Variants in UTRN observed in about 807,000 individuals in gnomAD.
UTRN encodes dystrophin-related protein 1.
UTRN carries 283 observed loss-of-function variants against 463.9 expected under a neutral mutation model. The ratio of observed to expected loss-of-function variants is 0.61; its 90% CI spans 0.55 to 0.67. The LOEUF (loss-of-function observed/expected upper bound fraction) is 0.67. Ranked by LOEUF, UTRN falls within the 30% of genes least tolerant of loss-of-function variation. The pLI, the probability that UTRN is intolerant of heterozygous loss-of-function variation, is 0.00. For missense variants in UTRN, 3,922 were observed against 4,084.3 expected (o/e 0.96, Z 1.08); for synonymous variants, 1,442 against 1,431.5 (o/e 1.01, Z -0.17).
chr6:144,796,822 G>A (rs536766472), intron 63 of UTRN, among the ~76,000 whole-genome samples: 1 of 152,084 alleles, frequency 6.6e-6, no homozygotes, highest in Non-Finnish European at 1.5e-5. Flanking sequence ...TTTTATAATG[G>A]CCCTTTTTCT....
intron 60 of UTRN, among the ~76,000 whole-genome samples, chr6:144,779,729 G>A (rs914865732): frequency 1.3e-5 from 2 of 152,284 alleles, no homozygotes; most frequent in South Asian, 2.1e-4. Context: ...TCAAACTGGC[G>A]CTGTTCAAGC....
At chr6:144,758,106 A>G in intron 58 of UTRN, 117 bp downstream of exon 58, 1 of 768,166 alleles carries the variant, frequency 1.3e-6, no homozygotes, top group Non-Finnish European at 2.0e-6. Flanking sequence ...TATCTGAAAG[A>G]AACTGTGATA....
chr6:144,438,309 A>G (rs146352097), intron 11 of UTRN, among the ~76,000 whole-genome samples: 2 of 152,214 alleles, frequency 1.3e-5, no homozygotes, highest in African/African-American at 4.8e-5. Context: ...CTTATTTGCA[A>G]TGTTAAGATT....
At chr6:144,786,535 C>T (rs1452184423) in intron 61 of UTRN, among the ~76,000 whole-genome samples, 3 of 152,140 alleles carry the variant, frequency 2.0e-5, no homozygotes. Context: ...CCACCTGCCT[C>T]AGCCTCCCAA....
intron 54 of UTRN, among the ~76,000 whole-genome samples, chr6:144,731,870 C>CT (rs11342951): frequency 4.0e-5 from 6 of 150,958 alleles, no homozygotes; most frequent in East Asian, 2.0e-4. Flanking sequence ...TTTTCTTTTT[C>CT]TTTTTTTTTG....
intron 52 of UTRN, among the ~76,000 whole-genome samples, chr6:144,699,705 G>A (rs987971153): frequency 5.3e-5 from 8 of 149,808 alleles, no homozygotes; most frequent in African/African-American, 1.7e-4. Context: ...ATTCTATCAC[G>A]GACATCCTTC....
At chr6:144,661,611 A>C (rs2128672411) in intron 51 of UTRN, among the ~76,000 whole-genome samples, 1 of 152,338 alleles carries the variant, frequency 6.6e-6, no homozygotes, top group South Asian at 2.1e-4. Flanking sequence ...AGCAGGTGAC[A>C]AACTTTATGA....
At chr6:144,639,867 G>C (rs75885702) in intron 51 of UTRN, among the ~76,000 whole-genome samples, 4,596 of 152,240 alleles carry the variant, frequency 0.03, 224 homozygotes, top group African/African-American at 0.11. Context: ...CCAGGGAAGA[G>C]CGTCTGCAGA....
chr6:144,394,053 A>G (rs1782178851), intron 2 of UTRN, among the ~76,000 whole-genome samples: 1 of 152,282 alleles, frequency 6.6e-6, no homozygotes, highest in East Asian at 1.9e-4. Context: ...GCTCTGACAC[A>G]CAGAGGACTA....
At chr6:144,492,446 T>C (rs766258893) in intron 32 of UTRN, among the ~76,000 whole-genome samples, 4 of 152,214 alleles carry the variant, frequency 2.6e-5, no homozygotes, top group Non-Finnish European at 5.9e-5. Context: ...ATTGATGACA[T>C]GTCTTTGCTA....
In UTRN at chr6:144,622,184, G is replaced by GTTTTTTT. The variant is rs1199579909; in HGVS notation, c.7479+44911_7479+44917dup. On this transcript the variant is annotated intron_variant, in intron 51 of 74. Coordinates refer to ENST00000367545, the MANE Select transcript of UTRN (RefSeq NM_007124.3). The stretch of plus-strand genomic sequence containing the variant: ...TAGATGGTATCCATTTTTTTTTGTT[G>GTTTTTTT]TTTTTTTTTTTTTTTTTTTTTGGAG... Among the ~76,000 whole-genome samples the GTTTTTTT allele has an allele frequency of 6.6e-3, 583 of 88,194 alleles. 24 individuals carry two copies. The highest frequency in any genetic ancestry group is 0.028 in the East Asian group (64 of 2,306). The allele number at this position is 88,194 out of a possible 152,430, so 57.9% of individuals were successfully genotyped here.
intron 64 of UTRN, among the ~76,000 whole-genome samples, chr6:144,802,758 G>A (rs1777810896): frequency 6.6e-6 from 1 of 151,914 alleles, no homozygotes; most frequent in South Asian, 2.1e-4. Flanking sequence ...CTTATTGGTG[G>A]TATAATTGAT....
In UTRN at chr6:144,797,811, C is replaced by T; in HGVS notation, c.9079-13C>T. On this transcript the variant is annotated splice_polypyrimidine_tract_variant and intron_variant, in intron 63 of 74. Transcript: ENST00000367545. ...GCATTTCTTCACTTTTAATATATTTCTTTTTTCACCAGAATAACAATAAAC... is the reference window on the plus strand; with the variant it reads ...GCATTTCTTCACTTTTAATATATTTTTTTTTTCACCAGAATAACAATAAAC... 6.2e-7 allele frequency: 1 copy of T among 1,610,302 alleles called. No individual in the cohort carries two copies.
intron 35 of UTRN, among the ~76,000 whole-genome samples, chr6:144,512,602 G>A (rs1795271875): frequency 6.6e-6 from 1 of 150,470 alleles, no homozygotes; most frequent in Admixed American, 6.6e-5. Flanking sequence ...CACCCATGCT[G>A]GAGTGCAGTG....
intron 63 of UTRN, among the ~76,000 whole-genome samples, chr6:144,794,871 TTTTG>T (rs1311371944): frequency 6.6e-6 from 1 of 152,280 alleles, no homozygotes; most frequent in Middle Eastern, 3.4e-3. Context: ...GGGCCTCTTT[TTTTG>T]TTTGTTTGTT....
At chr6:144,542,362 A>G (rs1474241679) in intron 45 of UTRN, among the ~76,000 whole-genome samples, 3 of 152,128 alleles carry the variant, frequency 2.0e-5, no homozygotes, top group Admixed American at 1.3e-4. Flanking sequence ...ATCTTTGGAA[A>G]CCAGGACTCA....
chr6:144,740,558 T>TTA (rs1586318732), intron 54 of UTRN, among the ~76,000 whole-genome samples: 1 of 152,370 alleles, frequency 6.6e-6, no homozygotes, highest in East Asian at 1.9e-4. Flanking sequence ...AAAGTTGTAA[T>TTA]GCATGAAAAA....
In UTRN at chr6:144,323,024, A is replaced by G. The variant is rs12214062; in HGVS notation, c.79+31117A>G. ...TGCTTTGTACCTGGGGACTCCATCC[A>G]TGTGTAAAGGATTAGTGAGCAGGAT... On this transcript the variant is annotated intron_variant, in intron 2 of 74. Coordinates refer to ENST00000367545, the MANE Select transcript of UTRN (RefSeq NM_007124.3). Among the ~76,000 whole-genome samples, 423 of 152,020 alleles carry G rather than the reference A, an allele frequency of 2.8e-3. 1 individual carries two copies. The highest frequency in any genetic ancestry group is 4.4e-3 in the Non-Finnish European group (297 of 67,992).
intron 35 of UTRN, among the ~76,000 whole-genome samples, chr6:144,512,247 A>G (rs1032605485): frequency 6.6e-6 from 1 of 152,134 alleles, no homozygotes; most frequent in Non-Finnish European, 1.5e-5. Context: ...AATATTTTAT[A>G]TATTAATTTT....
Sources: allele counts gnomAD v4.1 joint callset (sites outside exome capture counted in the v4.1 genomes callset), GRCh38; gene constraint gnomAD v4.1.1; transcripts MANE v1.5; gene names NCBI Gene and HGNC (gene_info 2026-07-23, HGNC 2026-07-21).